AGXT2: variants seen among roughly 807,000 people sequenced by gnomAD.
AGXT2 encodes the protein alanine--glyoxylate aminotransferase 2.
In AGXT2, 61 loss-of-function variants were observed where a neutral mutation model predicts 62.5. The ratio of observed to expected loss-of-function variants is 0.98; its 90% CI spans 0.79 to 1.21. The LOEUF (loss-of-function observed/expected upper bound fraction) is 1.21, where lower values mean the gene tolerates loss of function less well. Ranked by LOEUF, AGXT2 falls within the 50% of genes most tolerant of loss-of-function variation. The pLI is 0.00. For missense variants in AGXT2, 666 were observed against 641.5 expected, an observed-to-expected ratio of 1.04 and a Z score of -0.41; for synonymous variants, 243 against 218.7, an observed-to-expected ratio of 1.11 and a Z score of -0.98.
chr5:35,042,487 A>G (rs747037599), intron 1 of AGXT2, among the ~76,000 whole-genome samples: 2 of 152,082 alleles, frequency 1.3e-5, no homozygotes, highest in Non-Finnish European at 2.9e-5. Flanking sequence ...CTGTCATATC[A>G]CTCCTCTTAA....
intron 5 of AGXT2, 62 bp from the exon 6 acceptor site, chr5:35,033,615 G>A: frequency 2.3e-6 from 3 of 1,319,342 alleles, no homozygotes; most frequent in Non-Finnish European, 3.3e-6. Flanking sequence ...TAGGACAAAA[G>A]AGAAAACCCA....
At chr5:35,040,777 A>C in intron 1 of AGXT2, 114 bp from the exon 2 acceptor site, 1 of 847,820 alleles carries the variant, frequency 1.2e-6, no homozygotes, top group Non-Finnish European at 2.0e-6. Context: ...CTTAGTTAAA[A>C]AATCATGCTA....
At position 35,040,625 on chromosome 5, in the gene AGXT2, G is replaced by A; in HGVS notation, c.127C>T (p.His43Tyr). ...SRTSVTKLSL[H>Y]TKPRMPPCDF... The stretch of plus-strand genomic sequence containing the variant: ...CATGGAGGCATTCTGGGCTTTGTAT[G>A]AAGACTGAGCTTGGTTACTGATGTC... Residue 43 changes from histidine to tyrosine, a missense_variant, in exon 2 of 14, where the codon CAT becomes TAT. Physicochemically the swap from His to Tyr is moderately conservative, Grantham distance 83. Transcript: ENST00000231420. 3.1e-6 allele frequency: 5 copies of A among 1,614,022 alleles called. No individual in the cohort carries two copies. Among genetic ancestry groups the A allele is most frequent in the Non-Finnish European group, 4.2e-6 (5 of 1,179,858 alleles).
intron 9 of AGXT2, among the ~76,000 whole-genome samples, chr5:35,016,605 A>G (rs1766858400): frequency 6.6e-6 from 1 of 151,882 alleles, no homozygotes; most frequent in African/African-American, 2.4e-5. Flanking sequence ...GAACCCACAT[A>G]TGCTTAAGGT....
intron 1 of AGXT2, among the ~76,000 whole-genome samples, chr5:35,045,119 T>C (rs1242309575): frequency 6.6e-6 from 1 of 152,224 alleles, no homozygotes; most frequent in African/African-American, 2.4e-5. Context: ...TTCTCCACAC[T>C]TTTGTACTGA....
rs370116434 is a variant in AGXT2, at chr5:35,014,043, G to A, written c.1040C>T (p.Thr347Ile). ...QTHDVLPDIVTMAKGIGNGFP... is the reference protein window; with the variant it reads ...QTHDVLPDIVIMAKGIGNGFP... ...GCCATTCCCAATCCCTTTAGCCATGGTGACAATGTCAGGCAGGACATCGTG... is the reference window on the plus strand; with the variant it reads ...GCCATTCCCAATCCCTTTAGCCATGATGACAATGTCAGGCAGGACATCGTG... Residue 347 changes from threonine (T) to isoleucine (I), a missense_variant, in exon 10 of 14, where the codon ACC becomes ATC. Thr to Ile is a moderately conservative substitution (Grantham distance 89). Coordinates refer to ENST00000231420, the MANE Select transcript of AGXT2 (RefSeq NM_031900.4). 1.9e-6 allele frequency: 3 copies of A among 1,614,142 alleles called. No individual in the cohort carries two copies. Among genetic ancestry groups the A allele is most frequent in the Admixed American group, 3.3e-5 (2 of 60,022 alleles).
At position 35,044,605 on chromosome 5, in the gene AGXT2, G is replaced by A. The variant is rs78206776; in HGVS notation, c.88+3200C>T. Reference sequence around the variant, plus strand: ...TTGGCTTCTTTGCGTGTGGGGTCCTGTCCACGTCCTCAGCCTCCTGTTGAT... The same window carrying A: ...TTGGCTTCTTTGCGTGTGGGGTCCTATCCACGTCCTCAGCCTCCTGTTGAT... On this transcript the variant is annotated intron_variant, in intron 1 of 13. Transcript: ENST00000231420. Among the ~76,000 whole-genome samples, 219 of 152,274 alleles carry A rather than the reference G, an allele frequency of 1.4e-3. 1 individual carries two copies. Among genetic ancestry groups the A allele is most frequent in the African/African-American group, 5.1e-3 (212 of 41,554 alleles).
chr5:35,027,979 C>T (rs569042451), intron 7 of AGXT2, among the ~76,000 whole-genome samples: 105 of 151,654 alleles, frequency 6.9e-4, no homozygotes, highest in African/African-American at 2.2e-3. Flanking sequence ...CTAGTTGACC[C>T]ATGGATGAAG....
At chr5:35,012,720 C>A in intron 11 of AGXT2, 1 of 510,994 alleles carries the variant, frequency 2.0e-6, no homozygotes, top group South Asian at 2.4e-5. Context: ...TTATATTTCC[C>A]ATGTATGTGA....
At chr5:35,031,886 G>GTTTT (rs34618446) in intron 7 of AGXT2, among the ~76,000 whole-genome samples, 1 of 119,428 alleles carries the variant, frequency 8.4e-6, no homozygotes, top group African/African-American at 3.3e-5. Flanking sequence ...TTGATTTCTT[G>GTTTT]TTTTTTTTTT....
chr5:35,003,514 C>T (rs1396485809), intron 13 of AGXT2, among the ~76,000 whole-genome samples: 2 of 152,094 alleles, frequency 1.3e-5, no homozygotes, highest in Non-Finnish European at 2.9e-5. Flanking sequence ...CCCCAAAGAG[C>T]CGCGACAACC....
At chr5:35,036,623 G>A (rs962003781) in intron 4 of AGXT2, among the ~76,000 whole-genome samples, 8 of 152,184 alleles carry the variant, frequency 5.3e-5, no homozygotes, top group Admixed American at 3.3e-4. Context: ...AGAGGCCTAC[G>A]GCTCCTGGGA....
chr5:35,037,004 A>C lies in AGXT2; in HGVS notation c.424T>G (p.Phe142Val). Residue 142 changes from phenylalanine (F) to valine (V), a missense_variant, in exon 4 of 14, where the codon TTC (phenylalanine) becomes GTC (valine). By Grantham distance (50) the Phe-to-Val change is conservative. Transcript: ENST00000231420. ...GCATATTCATGCATTGGAGGGTGGA[A>C]GAAGACGGTGCTTGTATGCCACAGG... ...GRLWHTSTVFFHPPMHEYAEK... is the reference protein window; with the variant it reads ...GRLWHTSTVFVHPPMHEYAEK... 6.2e-7 allele frequency: 1 copy of C among 1,614,200 alleles called. No individual in the cohort carries two copies. Among genetic ancestry groups the C allele is most frequent in the Non-Finnish European group, 8.5e-7 (1 of 1,180,024 alleles).
intron 7 of AGXT2, among the ~76,000 whole-genome samples, chr5:35,028,978 G>A (rs1334112481): frequency 1.3e-5 from 2 of 152,188 alleles, no homozygotes; most frequent in African/African-American, 4.8e-5. Flanking sequence ...CATTAAAAGT[G>A]AGGAAATACT....
In AGXT2 at chr5:35,039,395, A is replaced by C; in HGVS notation, c.291T>G (p.Phe97Leu). 1 of 1,614,158 alleles carries C rather than the reference A, an allele frequency of 6.2e-7. No homozygotes were observed. Among genetic ancestry groups the C allele is most frequent in the Non-Finnish European group, 8.5e-7 (1 of 1,179,996 alleles). Residue 97 changes from phenylalanine (F) to leucine (L), a missense_variant, in exon 3 of 14, where the codon TTT (phenylalanine) becomes TTG (leucine). Coordinates refer to ENST00000231420, the MANE Select transcript of AGXT2 (RefSeq NM_031900.4). The stretch of plus-strand genomic sequence containing the variant: ...CCAGGTATCTGCTTCCTTCAGCATC[A>C]AAGAGCCACTCCATGTGCCCCTGGT... ...LLHQGHMEWL[F>L]DAEGSRYLDF...
chr5:35,019,854 G>C (rs1371455423), intron 9 of AGXT2, among the ~76,000 whole-genome samples: 4 of 152,012 alleles, frequency 2.6e-5, no homozygotes, highest in East Asian at 3.9e-4. Context: ...AAAGAGAGAA[G>C]AATCAAATAG....
chr5:35,017,123 T>A (rs1475289060), intron 9 of AGXT2, among the ~76,000 whole-genome samples: 1 of 152,186 alleles, frequency 6.6e-6, no homozygotes, highest in East Asian at 1.9e-4. Flanking sequence ...CCCTCTGCAC[T>A]CAGGTTTTTC....
intron 11 of AGXT2, among the ~76,000 whole-genome samples, chr5:35,010,900 T>A (rs886073524): frequency 1.3e-5 from 2 of 152,132 alleles, no homozygotes; most frequent in African/African-American, 2.4e-5. Flanking sequence ...CAGCCAGACA[T>A]GGACTCTCAT....
At chr5:35,020,730 T>G (rs2112225249) in intron 9 of AGXT2, among the ~76,000 whole-genome samples, 1 of 152,232 alleles carries the variant, frequency 6.6e-6, no homozygotes, top group East Asian at 1.9e-4. Context: ...CCAGGGCAAT[T>G]AGGTAGGAGA....
Sources: allele counts gnomAD v4.1 joint callset (sites outside exome capture counted in the v4.1 genomes callset), GRCh38; gene constraint gnomAD v4.1.1; transcripts MANE v1.5; gene names NCBI Gene and HGNC (gene_info 2026-07-23, HGNC 2026-07-21).